EYS: variants seen among roughly 807,000 people sequenced by gnomAD.
The protein encoded by EYS is protein eyes shut homolog.
EYS carries 250 observed loss-of-function variants against 282.1 expected under a neutral mutation model. That is an observed-to-expected ratio of 0.89 (90% CI 0.80 to 0.98). EYS has a LOEUF of 0.98. Among genes scored for constraint, EYS ranks in the 50% least tolerant of loss-of-function variants. The probability of loss-of-function intolerance (pLI) is 0.00; values close to 1 mark genes in which losing one functional copy is unlikely to be tolerated. For synonymous variants in EYS, 1,355 were observed against 1,282.9 expected, an observed-to-expected ratio of 1.06 and a Z score of -1.20; for missense variants, 4,016 against 3,709.0, an observed-to-expected ratio of 1.08 and a Z score of -2.15.
intron 2 of EYS, among the ~76,000 whole-genome samples, chr6:65,547,845 C>T (rs1768451691): frequency 1.3e-5 from 2 of 152,214 alleles, no homozygotes; most frequent in South Asian, 4.1e-4. Flanking sequence ...AGAAATCTTC[C>T]TAATCCTTTT....
intron 33 of EYS, among the ~76,000 whole-genome samples, chr6:64,036,609 G>A (rs1348493259): frequency 6.6e-6 from 1 of 152,150 alleles, no homozygotes; most frequent in East Asian, 1.9e-4. Context: ...CATAAACTAA[G>A]GCTGTCACAG....
chr6:63,742,283 C>T (rs543126141), intron 41 of EYS, among the ~76,000 whole-genome samples: 1 of 152,092 alleles, frequency 6.6e-6, no homozygotes, highest in South Asian at 2.1e-4. Context: ...ACCTCTGTTC[C>T]CCAGCTGCTA....
intron 12 of EYS, among the ~76,000 whole-genome samples, chr6:65,123,758 C>CCCCACACA (rs1554157088): frequency 7.3e-4 from 108 of 147,098 alleles, no homozygotes; most frequent in African/African-American, 2.6e-3. Flanking sequence ...ACCCACCCAC[C>CCCCACACA]CACACACACA....
chr6:65,120,425 A>G (rs887668319), intron 12 of EYS, among the ~76,000 whole-genome samples: 9 of 145,500 alleles, frequency 6.2e-5, no homozygotes, highest in South Asian at 4.4e-4. Context: ...CTCATTATCA[A>G]TGCTTCCAGA....
intron 14 of EYS, among the ~76,000 whole-genome samples, chr6:64,947,401 G>A (rs1489438364): frequency 6.6e-6 from 1 of 151,722 alleles, no homozygotes; most frequent in East Asian, 1.9e-4. Flanking sequence ...GGTTGAACAG[G>A]GCCAATTGGT....
intron 26 of EYS, among the ~76,000 whole-genome samples, chr6:64,563,970 A>G (rs1765482096): frequency 1.3e-5 from 2 of 151,878 alleles, no homozygotes; most frequent in Non-Finnish European, 2.9e-5. Context: ...TACATTTATT[A>G]TCTCAATATG....
chr6:65,644,682 A>C (rs185756279), intron 1 of EYS, among the ~76,000 whole-genome samples: 123 of 152,332 alleles, frequency 8.1e-4, no homozygotes, highest in African/African-American at 2.9e-3. Flanking sequence ...CACGTAACCT[A>C]TAAAGAAAAA....
chr6:65,060,317 T>C (rs1427881291), intron 12 of EYS, among the ~76,000 whole-genome samples: 2 of 151,790 alleles, frequency 1.3e-5, no homozygotes, highest in Admixed American at 6.6e-5. Flanking sequence ...ATATAACACA[T>C]TCTATAACAC....
intron 22 of EYS, among the ~76,000 whole-genome samples, chr6:64,710,991 G>A (rs1198142738): frequency 6.6e-6 from 1 of 152,102 alleles, no homozygotes; most frequent in African/African-American, 2.4e-5. Context: ...CAGAAAAAGA[G>A]TATTGCCTTG....
At position 64,663,505 on chromosome 6, in the gene EYS, A is replaced by G. The variant is rs555477408; in HGVS notation, c.3444-37260T>C. 1.8e-3 allele frequency among the ~76,000 whole-genome samples: 276 copies of G among 152,344 alleles called. 3 individuals are homozygous for G. Among genetic ancestry groups the G allele is most frequent in the Middle Eastern group, 0.014 (4 of 294 alleles). ...TTCTTGCTTATAAGACAAAGCTATC[A>G]CGGGTTCACTAGAACTACATTCTTC... is the stretch of plus-strand genomic sequence containing the variant. On this transcript the variant is annotated intron_variant, in intron 22 of 42. Coordinates refer to ENST00000503581, the MANE Select transcript of EYS (RefSeq NM_001142800.2).
intron 14 of EYS, among the ~76,000 whole-genome samples, chr6:64,994,520 G>A (rs1013466134): frequency 4.6e-5 from 7 of 151,982 alleles, no homozygotes; most frequent in Non-Finnish European, 8.8e-5. Context: ...AGGCAAATGC[G>A]AATGTTTTAT....
intron 29 of EYS, among the ~76,000 whole-genome samples, chr6:64,337,072 G>T (rs1770880169): frequency 6.6e-6 from 1 of 151,876 alleles, no homozygotes; most frequent in East Asian, 1.9e-4. Context: ...AGGAACTAAA[G>T]AAACAAGAAC....
chr6:63,823,668 T>G (rs2149686814), intron 36 of EYS, among the ~76,000 whole-genome samples: 1 of 152,246 alleles, frequency 6.6e-6, no homozygotes, highest in South Asian at 2.1e-4. Flanking sequence ...CAAGTTCTTT[T>G]ATACTTTATT....
At chr6:63,965,907 T>C (rs1766286298) in intron 35 of EYS, among the ~76,000 whole-genome samples, 1 of 152,184 alleles carries the variant, frequency 6.6e-6, no homozygotes, top group Non-Finnish European at 1.5e-5. Flanking sequence ...CGAAAGAATA[T>C]GAACCGCAGA....
At chr6:64,945,736 A>C in intron 15 of EYS, 57 bp downstream of exon 15, 1 of 1,491,944 alleles carries the variant, frequency 6.7e-7, no homozygotes, top group Non-Finnish European at 9.1e-7. Context: ...GATGTATCCC[A>C]AGGACACTGA....
intron 12 of EYS, among the ~76,000 whole-genome samples, chr6:65,127,636 G>A (rs933007838): frequency 2.0e-5 from 3 of 152,058 alleles, no homozygotes; most frequent in Non-Finnish European, 2.9e-5. Flanking sequence ...AGGTGGAATT[G>A]CATCATGTGT....
At chr6:63,733,870 G>A (rs1283369761) in intron 41 of EYS, among the ~76,000 whole-genome samples, 1 of 152,066 alleles carries the variant, frequency 6.6e-6, no homozygotes, top group African/African-American at 2.4e-5. Flanking sequence ...AAGGCAGTAA[G>A]CAAACTGGCT....
At chr6:63,811,520 T>A (rs1771046175) in intron 36 of EYS, among the ~76,000 whole-genome samples, 1 of 152,200 alleles carries the variant, frequency 6.6e-6, no homozygotes, top group South Asian at 2.1e-4. Flanking sequence ...ATTCTCCTTT[T>A]CTTCCAGTTA....
At chr6:64,139,458 AT>A (rs1187044873) in intron 31 of EYS, among the ~76,000 whole-genome samples, 1 of 152,088 alleles carries the variant, frequency 6.6e-6, no homozygotes. Context: ...AATTAAAAAT[AT>A]TTTTTTAAAA....
Sources: allele counts gnomAD v4.1 joint callset (sites outside exome capture counted in the v4.1 genomes callset), GRCh38; gene constraint gnomAD v4.1.1; transcripts MANE v1.5; gene names NCBI Gene and HGNC (gene_info 2026-07-23, HGNC 2026-07-21).